The following NUDC variants were observed in gnomAD, a reference collection of about 807,000 sequenced individuals.
The protein encoded by NUDC is nuclear distribution C, dynein complex regulator, also known as nuclear migration protein nudC.
In NUDC, 14 loss-of-function variants were observed where a neutral mutation model predicts 45.0. That is an observed-to-expected ratio of 0.31 (90% CI 0.21 to 0.49). The LOEUF (loss-of-function observed/expected upper bound fraction) is 0.49, where lower values mean the gene tolerates loss of function less well. NUDC is among the 20% of genes least tolerant of loss of function. The pLI is 0.99. For missense variants in NUDC, 323 were observed against 426.2 expected (o/e 0.76, Z 2.13); for synonymous variants, 153 against 156.7 (o/e 0.98, Z 0.17).
At chr1:26,902,622 C>T (rs1332858595) in intron 2 of NUDC, among the ~76,000 whole-genome samples, 1 of 152,186 alleles carries the variant, frequency 6.6e-6, no homozygotes, top group South Asian at 2.1e-4. Flanking sequence ...TGGTAACTCA[C>T]ACCTGTAATC....
intron 3 of NUDC, chr1:26,911,777 G>A (rs1019619155): frequency 9.4e-5 from 151 of 1,605,884 alleles, no homozygotes; most frequent in Admixed American, 1.8e-4. Context: ...GGTCACCTCT[G>A]GGGATGGCCA....
intron 3 of NUDC, 21 bp from the exon 4 acceptor site, chr1:26,941,732 C>A: frequency 6.2e-7 from 1 of 1,614,174 alleles, no homozygotes; most frequent in Non-Finnish European, 8.5e-7. Context: ...CTGTTGCCAA[C>A]TGCTGTGCTC....
At chr1:26,924,792 C>T (rs1326076707) in intron 2 of NUDC, among the ~76,000 whole-genome samples, 2 of 151,910 alleles carry the variant, frequency 1.3e-5, no homozygotes, top group East Asian at 3.9e-4. Context: ...ACCTCATGAT[C>T]CACCCGCCTC....
intron 2 of NUDC, among the ~76,000 whole-genome samples, chr1:26,934,986 T>G (rs1236477656): frequency 6.8e-6 from 1 of 146,008 alleles, no homozygotes; most frequent in East Asian, 2.0e-4. Flanking sequence ...TTGTTTTTTG[T>G]TTTTTTTTCT....
intron 3 of NUDC, among the ~76,000 whole-genome samples, chr1:26,916,397 A>C (rs747387919): frequency 6.6e-5 from 10 of 151,954 alleles, no homozygotes; most frequent in African/African-American, 1.9e-4. Context: ...CTAAAAAAAA[A>C]CGAAAAAACC....
At chr1:26,931,369 C>A (rs1253767198) in intron 2 of NUDC, among the ~76,000 whole-genome samples, 2 of 142,054 alleles carry the variant, frequency 1.4e-5, no homozygotes, top group East Asian at 4.5e-4. Flanking sequence ...TGAACCACTG[C>A]GCCTGGCCTT....
chr1:26,941,421 T>C (rs2082275129), intron 2 of NUDC, 36 bp from the exon 3 acceptor site: 1 of 1,605,652 alleles, frequency 6.2e-7, no homozygotes, highest in African/African-American at 1.3e-5. Context: ...CACTGTCCCC[T>C]GCTCTGATGC....
intron 2 of NUDC, among the ~76,000 whole-genome samples, chr1:26,907,601 C>G (rs945696151): frequency 1.3e-5 from 2 of 151,006 alleles, no homozygotes; most frequent in Admixed American, 1.3e-4. Flanking sequence ...ACACAGCATG[C>G]GTCAGCTGTC....
chr1:26,913,786 G>C lies in NUDC; in HGVS notation c.93+2551G>C, dbSNP rs373841811. Reference sequence around the variant, plus strand: ...CAAGGCCTCCCGGCAGGTGCGATGAGGTGCACATAGCTGGACGGGCCGGTG... The same window carrying C: ...CAAGGCCTCCCGGCAGGTGCGATGACGTGCACATAGCTGGACGGGCCGGTG... On this transcript the variant is annotated intron_variant, in intron 3 of 6. Coordinates refer to the NUDC transcript ENST00000435827. 43 of 1,553,578 alleles carry C rather than the reference G, an allele frequency of 2.8e-5. No individual in the cohort carries two copies. Among genetic ancestry groups the C allele is most frequent in the Non-Finnish European group, 3.7e-5 (43 of 1,148,402 alleles).
At chr1:26,925,170 T>C (rs2082120934) in intron 2 of NUDC, among the ~76,000 whole-genome samples, 1 of 151,462 alleles carries the variant, frequency 6.6e-6, no homozygotes, top group African/African-American at 2.4e-5. Flanking sequence ...TGTGAGCCAC[T>C]GCACCCGGCC....
chr1:26,922,060 G>T (rs1263326898), intron 1 of NUDC, 131 bp downstream of exon 1: 6 of 953,012 alleles, frequency 6.3e-6, no homozygotes, highest in Non-Finnish European at 9.6e-6. Flanking sequence ...TTCTCACTGC[G>T]CCCAGCTTCC....
At chr1:26,921,220 T>C (rs1185283514), upstream of NUDC, among the ~76,000 whole-genome samples, 1 of 152,172 alleles carries the variant, frequency 6.6e-6, no homozygotes, top group Non-Finnish European at 1.5e-5. Flanking sequence ...TTATTAAGAA[T>C]TTCAAGACTA....
chr1:26,934,414 T>C (rs949049078), intron 2 of NUDC, among the ~76,000 whole-genome samples: 1 of 152,132 alleles, frequency 6.6e-6, no homozygotes, highest in Non-Finnish European at 1.5e-5. Flanking sequence ...GGAATTACAA[T>C]TCAAGGTGAG....
In NUDC at chr1:26,941,447, C is replaced by T. The variant is rs2082275353; in HGVS notation, c.160-10C>T. 1.9e-6 allele frequency: 3 copies of T among 1,612,938 alleles called. No individual in the cohort carries two copies. The highest frequency in any genetic ancestry group is 1.7e-6 in the Non-Finnish European group (2 of 1,179,760). On this transcript the variant is annotated splice_polypyrimidine_tract_variant and intron_variant, in intron 2 of 8. Transcript: ENST00000321265. The stretch of plus-strand genomic sequence containing the variant: ...GCTCTGATGCCTCATGGCCTTTCTT[C>T]CCTCTCCAGCTTATCACACAGACTT...
Position 26,905,576 on chromosome 1 carries a change from A to G in NUDC, c.-16+3210A>G, listed in dbSNP as rs192159636. Among the ~76,000 whole-genome samples, 74 of 152,274 alleles carry G rather than the reference A, an allele frequency of 4.9e-4. 1 individual carries two copies. Among genetic ancestry groups the G allele is most frequent in the Non-Finnish European group, 9.4e-4 (64 of 67,998 alleles). The stretch of plus-strand genomic sequence containing the variant: ...GGAGATATTTGAGGTGGAAGTGTAA[A>G]ACTAGTGGAAGATAAGGGTTACTTT... On this transcript the variant is annotated intron_variant, in intron 2 of 6. Coordinates refer to the NUDC transcript ENST00000435827.
chr1:26,927,399 C>CTT (rs1189665637), intron 2 of NUDC, among the ~76,000 whole-genome samples: 9 of 129,930 alleles, frequency 6.9e-5, no homozygotes, highest in African/African-American at 2.1e-4. Context: ...TTTTCTTTTT[C>CTT]TTTTTTTTTT....
At chr1:26,933,886 G>A (rs2082204177) in intron 2 of NUDC, among the ~76,000 whole-genome samples, 1 of 152,174 alleles carries the variant, frequency 6.6e-6, no homozygotes, top group African/African-American at 2.4e-5. Flanking sequence ...TGGGCACGGT[G>A]GCTCACGCCT....
intron 2 of NUDC, among the ~76,000 whole-genome samples, chr1:26,904,308 G>A (rs2124048469): frequency 6.6e-6 from 1 of 150,906 alleles, no homozygotes; most frequent in Admixed American, 6.6e-5. Flanking sequence ...AAGTAACTGG[G>A]ACTACAGGCA....
chr1:26,946,077 GA>G, intron 8 of NUDC, 52 bp from the exon 9 acceptor site: 2 of 1,555,050 alleles, frequency 1.3e-6, no homozygotes, highest in Non-Finnish European at 8.9e-7. Flanking sequence ...TGGGAGAAGG[GA>G]CAGCTTTAGA....
Sources: gnomAD v4.1 joint callset for allele counts (sites outside exome capture counted in the v4.1 genomes callset) on GRCh38, gnomAD v4.1.1 for gene constraint, MANE v1.5 for transcripts, NCBI Gene and HGNC (gene_info 2026-07-23, HGNC 2026-07-21) for gene names.